The following HS3ST5 variants were observed in gnomAD, a reference collection of about 807,000 sequenced individuals.
HS3ST5 encodes heparan sulfate-glucosamine 3-sulfotransferase 5.
HS3ST5 carries 10 observed loss-of-function variants against 25.4 expected under a neutral mutation model. The observed-to-expected ratio is 0.39, with a 90% CI of 0.24 to 0.67. The LOEUF (loss-of-function observed/expected upper bound fraction) is 0.67. HS3ST5 is among the 30% of genes least tolerant of loss of function. The pLI is 0.44. For synonymous variants in HS3ST5, 170 were observed against 162.4 expected (o/e 1.05, Z -0.36); for missense variants, 324 against 420.7 (o/e 0.77, Z 2.01).
intron 1 of HS3ST5, among the ~76,000 whole-genome samples, chr6:114,254,712 C>T (rs575353451): frequency 3.9e-5 from 6 of 152,058 alleles, no homozygotes; most frequent in Non-Finnish European, 8.8e-5. Flanking sequence ...TGGCAATGGG[C>T]AAGAGAACAT....
Position 114,188,240 on chromosome 6 carries a change from T to C in HS3ST5, c.-144-19778A>G, listed in dbSNP as rs147969660. On this transcript the variant is annotated intron_variant, in intron 2 of 4. Transcript: ENST00000312719. ...ACTTATCCCATAAGGTACCAGGATG[T>C]CACTCTCTCAGGGAAAATTTTTTTG... is the stretch of plus-strand genomic sequence containing the variant. Among the ~76,000 whole-genome samples, 831 of 152,274 alleles carry C rather than the reference T, an allele frequency of 5.5e-3. 7 individuals carry two copies. The highest frequency in any genetic ancestry group is 0.019 in the African/African-American group (802 of 41,562).
intron 2 of HS3ST5, among the ~76,000 whole-genome samples, chr6:114,210,635 C>T (rs1032082927): frequency 3.3e-5 from 5 of 152,200 alleles, no homozygotes; most frequent in Middle Eastern, 6.3e-3. Flanking sequence ...GTGTCATTCA[C>T]ATCTAGGTTT....
chr6:114,123,168 G>A (rs1265707022), intron 3 of HS3ST5, among the ~76,000 whole-genome samples: 1 of 152,138 alleles, frequency 6.6e-6, no homozygotes, highest in South Asian at 2.1e-4. Context: ...GGTCAGGCTG[G>A]TCTAAAACTC....
chr6:114,208,355 C>T (rs1258231098), intron 2 of HS3ST5, among the ~76,000 whole-genome samples: 1 of 152,174 alleles, frequency 6.6e-6, no homozygotes, highest in Non-Finnish European at 1.5e-5. Flanking sequence ...ATGCTTTCAA[C>T]ATAGGCACTG....
chr6:114,249,707 G>A lies in HS3ST5; in HGVS notation c.-338-20929C>T, dbSNP rs375095809. Among the ~76,000 whole-genome samples the A allele has an allele frequency of 1.8e-4, 27 of 152,298 alleles. No homozygotes were observed. In the South Asian group the frequency reaches 3.3e-3, roughly 19 times the overall value. On this transcript the variant is annotated intron_variant, in intron 1 of 4. Coordinates refer to ENST00000312719, the MANE Select transcript of HS3ST5 (RefSeq NM_153612.4). Reference sequence around the variant, plus strand: ...TGCCTCCATTTGGGACAGCTCTGGGGAGCCAGCTAAGTCAAGAGTTCCCAT... The same window carrying A: ...TGCCTCCATTTGGGACAGCTCTGGGAAGCCAGCTAAGTCAAGAGTTCCCAT...
chr6:114,072,470 A>G (rs1266131429), intron 3 of HS3ST5, among the ~76,000 whole-genome samples: 1 of 152,160 alleles, frequency 6.6e-6, no homozygotes, highest in Non-Finnish European at 1.5e-5. Context: ...AGAGTAAAGC[A>G]AAGGTAATAA....
chr6:114,258,245 ACT>A (rs1375217791), intron 1 of HS3ST5, among the ~76,000 whole-genome samples: 2 of 152,034 alleles, frequency 1.3e-5, no homozygotes, highest in African/African-American at 4.8e-5. Flanking sequence ...AGCTGATCTG[ACT>A]CTGTGGGGAG....
intron 3 of HS3ST5, among the ~76,000 whole-genome samples, chr6:114,102,671 G>A (rs1262976184): frequency 6.6e-6 from 1 of 152,106 alleles, no homozygotes; most frequent in Non-Finnish European, 1.5e-5. Context: ...TGGATTGTTT[G>A]CCTATGCCAA....
intron 3 of HS3ST5, among the ~76,000 whole-genome samples, chr6:114,085,699 G>A (rs1774759372): frequency 6.6e-6 from 1 of 152,042 alleles, no homozygotes; most frequent in Admixed American, 6.5e-5. Context: ...CCAATTGGGT[G>A]TTCTGATTTT....
chr6:114,225,905 A>G (rs57915453), intron 2 of HS3ST5, among the ~76,000 whole-genome samples: 1,526 of 152,060 alleles, frequency 0.01, 32 homozygotes, highest in African/African-American at 0.035. Flanking sequence ...GCTTATGCTT[A>G]CAACATAAGG....
chr6:114,064,126 G>T (rs1773312227), intron 3 of HS3ST5, among the ~76,000 whole-genome samples: 1 of 152,150 alleles, frequency 6.6e-6, no homozygotes, highest in Non-Finnish European at 1.5e-5. Flanking sequence ...ACCCAAGAAG[G>T]AAGCTATATA....
intron 3 of HS3ST5, among the ~76,000 whole-genome samples, chr6:114,078,454 C>T (rs1774264179): frequency 1.3e-5 from 2 of 152,112 alleles, no homozygotes; most frequent in Non-Finnish European, 2.9e-5. Flanking sequence ...CCCTTGGCCT[C>T]CCAAAGTGCT....
chr6:114,226,352 G>A (rs1771286274), intron 2 of HS3ST5, among the ~76,000 whole-genome samples: 1 of 151,734 alleles, frequency 6.6e-6, no homozygotes, highest in Non-Finnish European at 1.5e-5. Context: ...CGATCTAATT[G>A]GACACAAATT....
intron 3 of HS3ST5, among the ~76,000 whole-genome samples, chr6:114,077,281 A>C (rs1774190820): frequency 6.6e-6 from 1 of 152,180 alleles, no homozygotes; most frequent in South Asian, 2.1e-4. Flanking sequence ...TCTTAAGAAA[A>C]AATATGGGAA....
chr6:114,254,447 G>T (rs552146628), intron 1 of HS3ST5, among the ~76,000 whole-genome samples: 6 of 152,340 alleles, frequency 3.9e-5, no homozygotes, highest in Non-Finnish European at 7.4e-5. Flanking sequence ...GCTATTGCAA[G>T]TCAAGAAAGA....
intron 2 of HS3ST5, among the ~76,000 whole-genome samples, chr6:114,174,196 G>A (rs764283166): frequency 5.3e-5 from 8 of 151,912 alleles, no homozygotes; most frequent in Non-Finnish European, 1.2e-4. Flanking sequence ...AATCAGCCTG[G>A]CTAATTTCTC....
intron 3 of HS3ST5, among the ~76,000 whole-genome samples, chr6:114,129,523 G>A (rs1329726590): frequency 6.6e-6 from 1 of 152,098 alleles, no homozygotes; most frequent in Non-Finnish European, 1.5e-5. Context: ...CCAAAGTGCT[G>A]GGATTACAGG....
chr6:114,321,484 C>T (rs1261020396), intron 1 of HS3ST5, among the ~76,000 whole-genome samples: 1 of 152,034 alleles, frequency 6.6e-6, no homozygotes, highest in Non-Finnish European at 1.5e-5. Context: ...TGAGTTATTG[C>T]TCTGTGTTCC....
chr6:114,301,978 G>A (rs994982479), intron 1 of HS3ST5, among the ~76,000 whole-genome samples: 2 of 152,114 alleles, frequency 1.3e-5, no homozygotes, highest in East Asian at 1.9e-4. Context: ...TTAGATCTTC[G>A]CTGGCTTTCA....
Sources: gnomAD v4.1 joint callset for allele counts (sites outside exome capture counted in the v4.1 genomes callset) on GRCh38, gnomAD v4.1.1 for gene constraint, MANE v1.5 for transcripts, NCBI Gene and HGNC (gene_info 2026-07-23, HGNC 2026-07-21) for gene names.